Variants in NECAB3 observed in about 807,000 individuals in gnomAD.
NECAB3 encodes N-terminal EF-hand calcium binding protein 3, also known as N-terminal EF-hand calcium-binding protein 3.
NECAB3 carries 38 observed loss-of-function variants against 57.2 expected under a neutral mutation model. The observed-to-expected ratio is 0.66, with a 90% confidence interval of 0.51 to 0.87. The LOEUF is 0.87. Ranked by LOEUF, NECAB3 falls within the 40% of genes least tolerant of loss-of-function variation. The pLI is 0.00. For missense variants in NECAB3, 474 were observed against 527.5 expected, an observed-to-expected ratio of 0.90 and a Z score of 0.99; for synonymous variants, 223 against 222.6, an observed-to-expected ratio of 1.00 and a Z score of -0.02.
At chr20:33,658,346 G>T (rs1247450559) in intron 10 of NECAB3, 131 bp downstream of exon 10, 1 of 938,262 alleles carries the variant, frequency 1.1e-6, no homozygotes, top group East Asian at 2.4e-5. Flanking sequence ...AAAGGACTCG[G>T]GGGCTCGGGC....
rs1332147746 is a variant in NECAB3, at chr20:33,667,386, G to A, written c.387+1989C>T. 1.1e-5 allele frequency: 14 copies of A among 1,309,732 alleles called. No homozygotes were observed. The Admixed American group carries it at 5.4e-4, about 50-fold the overall frequency. The allele number at this position is 1,309,732 out of a possible 1,614,324, so 81.1% of individuals were successfully genotyped here. A position where few individuals can be genotyped will look rare whatever the true frequency, so the allele number is the denominator to read the frequency against. Reference sequence around the variant, plus strand: ...GCCTGCTGGTGGGCGGCCTGCGGGTGTGCCCAGAGCAGTGGCCCGTGCTGG... The same window carrying A: ...GCCTGCTGGTGGGCGGCCTGCGGGTATGCCCAGAGCAGTGGCCCGTGCTGG... On this transcript the variant is annotated intron_variant, in intron 5 of 11. Transcript: ENST00000246190.
At position 33,663,377 on chromosome 20, in the gene NECAB3, GGTCCCCTCCA is replaced by G. The variant is rs2017542507; in HGVS notation, c.388-2992_388-2983del. On this transcript the variant is annotated intron_variant, in intron 5 of 11. Coordinates refer to ENST00000246190, the MANE Select transcript of NECAB3 (RefSeq NM_031232.4). ...TTCCCCGCGGCCTGAATTGGACAGG[GGTCCCCTCCA>G]GCCCTGTGCACGAGAGGATGACAGG... 10 of 775,654 alleles carry G rather than the reference GGTCCCCTCCA, an allele frequency of 1.3e-5. No homozygotes were observed. In the South Asian group the frequency reaches 1.9e-4, roughly 15 times the overall value. The allele number at this position is 775,654 out of a possible 1,614,324, so 48.0% of individuals were successfully genotyped here.
At chr20:33,663,816 C>T (rs1425299819) in intron 5 of NECAB3, 3 of 1,414,216 alleles carry the variant, frequency 2.1e-6, no homozygotes, top group Middle Eastern at 2.5e-4. Context: ...AAGCCGGCCC[C>T]GCCGAGGAGC....
At position 33,659,358 on chromosome 20, in the gene NECAB3, C is replaced by G. The variant is rs181009232; in HGVS notation, c.879+139G>C. 7.4e-4 allele frequency: 518 copies of G among 700,760 alleles called. 4 individuals carry two copies. The African/African-American group carries it at 8.2e-3, about 11-fold the overall frequency. The allele number at this position is 700,760 out of a possible 1,614,324, so 43.4% of individuals were successfully genotyped here. On this transcript the variant is annotated intron_variant, in intron 8 of 11. Coordinates refer to ENST00000246190, the MANE Select transcript of NECAB3 (RefSeq NM_031232.4). ...GGTGGTTCCTGCAGGTTCTCAGAAC[C>G]CGGCACCTGCTTGCCAGGCCTGGGG... is the stretch of plus-strand genomic sequence containing the variant.
At chr20:33,673,604 T>G in intron 1 of NECAB3, among the ~76,000 whole-genome samples, 1 of 150,690 alleles carries the variant, frequency 6.6e-6, no homozygotes. Context: ...GTGGTCAAGG[T>G]GCTGAGTCAC....
At chr20:33,663,851 C>A in intron 5 of NECAB3, 1 of 1,404,304 alleles carries the variant, frequency 7.1e-7, no homozygotes, top group South Asian at 1.5e-5. Flanking sequence ...TGCCGCTGCC[C>A]TCGCCCGCAG....
At chr20:33,668,083 C>T in intron 5 of NECAB3, 1 of 1,591,008 alleles carries the variant, frequency 6.3e-7, no homozygotes, top group African/African-American at 1.3e-5. Flanking sequence ...CGCGGCCCTG[C>T]GGCCCCACCT....
At chr20:33,672,570 C>T (rs1304259196) in intron 1 of NECAB3, 148 bp from the exon 2 acceptor site, 3 of 872,948 alleles carry the variant, frequency 3.4e-6, no homozygotes, top group Admixed American at 2.1e-5. Flanking sequence ...ACCTGCCCAG[C>T]TCAGCCCTGC....
rs115357416 is a variant in NECAB3, at chr20:33,660,217, G to A, written c.524+42C>T. ...GATTTGGAATGGGGGTACAATGGGC[G>A]CTTGTGCACTAGCCCCACAGGTTGA... On this transcript the variant is annotated intron_variant, in intron 6 of 11. Coordinates refer to ENST00000246190, the MANE Select transcript of NECAB3 (RefSeq NM_031232.4). This position sits in a 1 kb window ranked among gnomAD's most constrained non-coding sequence, Gnocchi z 4.1. 5.1e-4 allele frequency: 807 copies of A among 1,597,540 alleles called. 9 individuals carry two copies. In the African/African-American group the frequency reaches 9.0e-3, roughly 18 times the overall value.
chr20:33,674,075 A>C, intron 1 of NECAB3, 149 bp downstream of exon 1: 1 of 850,554 alleles, frequency 1.2e-6, no homozygotes, highest in Non-Finnish European at 1.5e-6. Flanking sequence ...AACAGGTCAC[A>C]CAAGGGCAGA....
At chr20:33,670,359 T>C in intron 3 of NECAB3, 1 of 301,222 alleles carries the variant, frequency 3.3e-6, no homozygotes, top group Middle Eastern at 9.8e-4. Flanking sequence ...GTTGCGTGTT[T>C]ATGCACTGCA....
intron 5 of NECAB3, chr20:33,669,029 G>A (rs952893294): frequency 3.3e-6 from 1 of 301,786 alleles, no homozygotes; most frequent in African/African-American, 2.2e-5. Flanking sequence ...TCCCACCACA[G>A]TTGTGATGGG....
intron 7 of NECAB3, 36 bp downstream of exon 7, chr20:33,659,849 G>T: frequency 6.5e-7 from 1 of 1,538,022 alleles, no homozygotes. Flanking sequence ...TGCGGTGCCT[G>T]CCTCGGCCAG....
chr20:33,671,561 T>C (rs960253845), intron 2 of NECAB3, among the ~76,000 whole-genome samples: 5 of 151,984 alleles, frequency 3.3e-5, no homozygotes, highest in African/African-American at 1.2e-4. Context: ...TCTAGGAGGA[T>C]GAAACACAAG....
Position 33,669,351 on chromosome 20 carries a change from C to G in NECAB3, c.387+24G>C, listed in dbSNP as rs761464366. Reference sequence around the variant, plus strand: ...ATGCCCACTGCCTCACAGTGGATCCCCCACCATCAGCCACTCCACTCACCA... The same window carrying G: ...ATGCCCACTGCCTCACAGTGGATCCGCCACCATCAGCCACTCCACTCACCA... On this transcript the variant is annotated intron_variant, in intron 5 of 11. Transcript: ENST00000246190. The G allele has an allele frequency of 3.7e-6, 6 of 1,609,518 alleles. No individual in the cohort carries two copies. In the East Asian group the frequency reaches 1.3e-4, roughly 36 times the overall value.
intron 5 of NECAB3, chr20:33,663,467 C>G: frequency 6.7e-7 from 1 of 1,492,310 alleles, no homozygotes; most frequent in South Asian, 1.2e-5. Context: ...AAGCGCGGAG[C>G]GGCCCCGGGT....
At chr20:33,674,506 C>A (rs2017912951), upstream of NECAB3, 3 of 704,142 alleles carry the variant, frequency 4.3e-6, no homozygotes, top group African/African-American at 1.9e-5. Flanking sequence ...CGGGTTCCCT[C>A]GCCTCAAGGT....
At chr20:33,661,809 C>T (rs1442408348) in intron 5 of NECAB3, among the ~76,000 whole-genome samples, 1 of 152,178 alleles carries the variant, frequency 6.6e-6, no homozygotes, top group African/African-American at 2.4e-5. Flanking sequence ...TGCCACCACA[C>T]CTGGCTAATG....
rs577588113 is a variant in NECAB3 at position 33,660,506 on chromosome 20, G to C, written c.388-111C>G. On this transcript the variant is annotated intron_variant, in intron 5 of 11. Transcript: ENST00000246190. This position sits in a 1 kb window ranked among gnomAD's most constrained non-coding sequence, Gnocchi z 4.1. ...AGCGGTGGCAGTGCCAAGAGCAGGG[G>C]CACGCAAACCTGGCACAGGCAGGAG... 2 of 1,427,234 alleles carry C rather than the reference G, an allele frequency of 1.4e-6. No individual in the cohort carries two copies. Among genetic ancestry groups the C allele is most frequent in the Admixed American group, 3.9e-5 (2 of 50,774 alleles). The allele number at this position is 1,427,234 out of a possible 1,614,324, so 88.4% of individuals were successfully genotyped here. A position where few individuals can be genotyped will look rare whatever the true frequency, so the allele number is the denominator to read the frequency against.
Sources: gnomAD v4.1 joint callset for allele counts (sites outside exome capture counted in the v4.1 genomes callset) on GRCh38, gnomAD v4.1.1 for gene constraint, Gnocchi (gnomAD v3.1) non-coding constraint, MANE v1.5 for transcripts, NCBI Gene and HGNC (gene_info 2026-07-23, HGNC 2026-07-21) for gene names.